The following RALYL variants were observed in gnomAD, a reference collection of about 807,000 sequenced individuals.
RALYL encodes RNA-binding Raly-like protein.
In RALYL, 29 loss-of-function variants were observed where a neutral mutation model predicts 35.1. That is an observed-to-expected ratio of 0.83 (90% confidence interval 0.61 to 1.13). The LOEUF (loss-of-function observed/expected upper bound fraction) is 1.13. Among genes scored for constraint, RALYL ranks in the 50% most tolerant of loss-of-function variants. RALYL has a pLI of 0.00. For synonymous variants in RALYL, 120 were observed against 127.6 expected, an observed-to-expected ratio of 0.94 and a Z score of 0.40; for missense variants, 359 against 360.4, an observed-to-expected ratio of 1.00 and a Z score of 0.03.
intron 1 of RALYL, among the ~76,000 whole-genome samples, chr8:84,340,184 T>G (rs1848549477): frequency 6.6e-6 from 1 of 152,086 alleles, no homozygotes; most frequent in African/African-American, 2.4e-5. Flanking sequence ...TTTTCTTTAT[T>G]AAATTACCTA....
chr8:84,844,930 G>C (rs1035948123), intron 4 of RALYL, among the ~76,000 whole-genome samples: 4 of 151,854 alleles, frequency 2.6e-5, no homozygotes, highest in South Asian at 2.1e-4. Flanking sequence ...AGAACACATG[G>C]ACACAGGAAG....
chr8:84,238,580 T>TAA (rs1827132732), intron 1 of RALYL, among the ~76,000 whole-genome samples: 1 of 152,188 alleles, frequency 6.6e-6, no homozygotes, highest in Admixed American at 6.5e-5. Flanking sequence ...GTTATTTTAT[T>TAA]ATGTCTTGAA....
chr8:84,306,800 A>C (rs1841899246), intron 1 of RALYL, among the ~76,000 whole-genome samples: 1 of 152,228 alleles, frequency 6.6e-6, no homozygotes, highest in Admixed American at 6.5e-5. Context: ...ACAAAGGCAG[A>C]ATCTTCATCC....
At chr8:84,573,965 A>T (rs1808693904) in intron 2 of RALYL, among the ~76,000 whole-genome samples, 2 of 151,446 alleles carry the variant, frequency 1.3e-5, no homozygotes, top group African/African-American at 4.8e-5. Context: ...TCTTTCTAAG[A>T]TCTTTTTCTA....
intron 8 of RALYL, among the ~76,000 whole-genome samples, chr8:84,914,753 A>G (rs7838564): frequency 0.3 from 45,848 of 151,886 alleles, 7,447 homozygotes; most frequent in East Asian, 0.61. Context: ...AGTTCAAAAC[A>G]GAACTTAAAA....
intron 1 of RALYL, among the ~76,000 whole-genome samples, chr8:84,415,650 T>A (rs2132264397): frequency 6.6e-6 from 1 of 152,356 alleles, no homozygotes; most frequent in African/African-American, 2.4e-5. Context: ...GGGGCACTAT[T>A]GCCTTATGCA....
At chr8:84,198,139 ATTC>A (rs1277694820) in intron 1 of RALYL, among the ~76,000 whole-genome samples, 3 of 152,186 alleles carry the variant, frequency 2.0e-5, no homozygotes, top group Non-Finnish European at 4.4e-5. Flanking sequence ...TTTCACTACA[ATTC>A]ATGACAATTA....
rs1442058104 is a variant in RALYL at position 84,463,932 on chromosome 8, G to A, written c.-23-65367G>A. On this transcript the variant is annotated intron_variant, in intron 1 of 8. Coordinates refer to ENST00000521268, the MANE Select transcript of RALYL (RefSeq NM_173848.7). ...TGCCTGGCAACCACTGGTCTGCTTT[G>A]TATCCCTATAGTTTCGCCTTTTCTA... 2.6e-5 allele frequency among the ~76,000 whole-genome samples: 4 copies of A among 151,834 alleles called. No individual in the cohort carries two copies. The East Asian group carries it at 7.8e-4, about 30-fold the overall frequency.
chr8:84,822,054 C>T (rs141083088), intron 4 of RALYL, among the ~76,000 whole-genome samples: 2 of 152,232 alleles, frequency 1.3e-5, no homozygotes, highest in East Asian at 3.9e-4. Flanking sequence ...TACAGTTTCC[C>T]CCTAGCTTCA....
At chr8:84,632,054 G>T (rs1423500560) in intron 2 of RALYL, among the ~76,000 whole-genome samples, 1 of 151,754 alleles carries the variant, frequency 6.6e-6, no homozygotes, top group Non-Finnish European at 1.5e-5. Flanking sequence ...CCTTTGGGAA[G>T]TGATTAGGTT....
At chr8:84,487,959 G>A (rs2054831961) in intron 1 of RALYL, among the ~76,000 whole-genome samples, 1 of 151,978 alleles carries the variant, frequency 6.6e-6, no homozygotes, top group African/African-American at 2.4e-5. Flanking sequence ...GTCAACAGAG[G>A]AAAGATGTTT....
At chr8:84,882,178 T>G (rs1015165542) in intron 7 of RALYL, among the ~76,000 whole-genome samples, 32 of 152,022 alleles carry the variant, frequency 2.1e-4, no homozygotes, top group Admixed American at 1.3e-3. Flanking sequence ...GTTGGCTTTT[T>G]GGCTTCTAAT....
chr8:84,794,461 C>G (rs1821460523), intron 3 of RALYL, among the ~76,000 whole-genome samples: 1 of 152,168 alleles, frequency 6.6e-6, no homozygotes, highest in Non-Finnish European at 1.5e-5. Flanking sequence ...AGCTGAGCAG[C>G]CACATGCTAG....
chr8:84,505,952 C>A (rs932928414), intron 1 of RALYL, among the ~76,000 whole-genome samples: 7 of 151,900 alleles, frequency 4.6e-5, no homozygotes, highest in African/African-American at 1.5e-4. Context: ...CTAAGTTTTT[C>A]TGATTTTTGT....
chr8:84,860,462 GT>G (rs1363362782), intron 5 of RALYL, among the ~76,000 whole-genome samples: 1 of 152,138 alleles, frequency 6.6e-6, no homozygotes, highest in Non-Finnish European at 1.5e-5. Flanking sequence ...TTGTATTTTG[GT>G]TCACTGACTT....
chr8:84,438,740 A>G (rs2048008591), intron 1 of RALYL, among the ~76,000 whole-genome samples: 1 of 152,028 alleles, frequency 6.6e-6, no homozygotes, highest in Non-Finnish European at 1.5e-5. Context: ...TATTTAATCC[A>G]TCTTAAGTTA....
chr8:84,539,773 C>T (rs1330797972), intron 2 of RALYL, among the ~76,000 whole-genome samples: 1 of 149,384 alleles, frequency 6.7e-6, no homozygotes, highest in African/African-American at 2.5e-5. Context: ...GTTGAAGAGA[C>T]TCTTGTTTTT....
intron 2 of RALYL, among the ~76,000 whole-genome samples, chr8:84,666,707 C>A (rs1354861010): frequency 6.6e-6 from 1 of 152,024 alleles, no homozygotes; most frequent in African/African-American, 2.4e-5. Context: ...TATCTGAGAT[C>A]AAATGAAATC....
intron 1 of RALYL, among the ~76,000 whole-genome samples, chr8:84,438,019 A>G (rs992553009): frequency 1.3e-5 from 2 of 152,156 alleles, no homozygotes; most frequent in African/African-American, 4.8e-5. Context: ...GTGATGTTGA[A>G]CAATTTTTCC....
Sources: gnomAD v4.1 joint callset for allele counts (sites outside exome capture counted in the v4.1 genomes callset) on GRCh38, gnomAD v4.1.1 for gene constraint, MANE v1.5 for transcripts, NCBI Gene and HGNC (gene_info 2026-07-23, HGNC 2026-07-21) for gene names.